The following CNTNAP2 variants were observed in gnomAD, a reference collection of about 807,000 sequenced individuals.
CNTNAP2 encodes the protein contactin-associated protein-like 2.
In CNTNAP2, 98 loss-of-function variants were observed where a neutral mutation model predicts 155.2. The ratio of observed to expected loss-of-function variants is 0.63; its 90% CI spans 0.54 to 0.75. The LOEUF (loss-of-function observed/expected upper bound fraction) is 0.75, where lower values mean the gene tolerates loss of function less well. Ranked by LOEUF, CNTNAP2 falls within the 30% of genes least tolerant of loss-of-function variation. The pLI is 0.00. For missense variants in CNTNAP2, 1,727 were observed against 1,688.1 expected (o/e 1.02, Z -0.40); for synonymous variants, 651 against 631.2 (o/e 1.03, Z -0.47).
chr7:146,711,226 T>TATATAC (rs1172549237), intron 1 of CNTNAP2, among the ~76,000 whole-genome samples: 2 of 147,546 alleles, frequency 1.4e-5, no homozygotes, highest in Non-Finnish European at 3.0e-5. Context: ...ATATATTTTA[T>TATATAC]ATATACATAT....
chr7:146,194,921 C>G (rs1235017724), intron 1 of CNTNAP2, among the ~76,000 whole-genome samples: 1 of 152,150 alleles, frequency 6.6e-6, no homozygotes, highest in Non-Finnish European at 1.5e-5. Context: ...GTCACTTCTC[C>G]AATCTGGGGT....
chr7:147,577,372 G>A (rs186316443), intron 12 of CNTNAP2, among the ~76,000 whole-genome samples: 1 of 152,108 alleles, frequency 6.6e-6, no homozygotes, highest in East Asian at 1.9e-4. Context: ...ATGACGCTAA[G>A]CACATTAATA....
chr7:146,153,641 A>G (rs997962869), intron 1 of CNTNAP2, among the ~76,000 whole-genome samples: 2 of 152,112 alleles, frequency 1.3e-5, no homozygotes, highest in African/African-American at 4.8e-5. Flanking sequence ...TAATGAAGGA[A>G]AGAAACTGCA....
At chr7:147,572,709 C>T (rs1353226616) in intron 12 of CNTNAP2, among the ~76,000 whole-genome samples, 1 of 46,592 alleles carries the variant, frequency 2.1e-5, no homozygotes, top group Non-Finnish European at 5.0e-5. Flanking sequence ...GAAACACACA[C>T]ACACACACAC....
At chr7:147,674,017 C>T (rs149396817) in intron 13 of CNTNAP2, among the ~76,000 whole-genome samples, 84 of 152,152 alleles carry the variant, frequency 5.5e-4, no homozygotes, top group African/African-American at 1.9e-3. Flanking sequence ...TCATTAAATG[C>T]ACTGGCTGTT....
intron 17 of CNTNAP2, among the ~76,000 whole-genome samples, chr7:148,151,576 A>G: frequency 6.6e-6 from 1 of 152,228 alleles, no homozygotes; most frequent in African/African-American, 2.4e-5. Context: ...GATTACAGGC[A>G]TGAGCCACTA....
At chr7:146,568,465 A>C (rs180914753) in intron 1 of CNTNAP2, among the ~76,000 whole-genome samples, 101 of 152,316 alleles carry the variant, frequency 6.6e-4, no homozygotes, top group African/African-American at 2.3e-3. Flanking sequence ...TAGGATTATC[A>C]ACCTCTTTCA....
chr7:148,183,889 C>G (rs1402608831), intron 18 of CNTNAP2, among the ~76,000 whole-genome samples: 1 of 152,160 alleles, frequency 6.6e-6, no homozygotes, highest in Non-Finnish European at 1.5e-5. Context: ...TTATATTCCA[C>G]CAGCCAAAAA....
At chr7:147,607,642 A>C (rs1295713339) in intron 12 of CNTNAP2, among the ~76,000 whole-genome samples, 1 of 152,148 alleles carries the variant, frequency 6.6e-6, no homozygotes, top group African/African-American at 2.4e-5. Flanking sequence ...ACTAGGGTCA[A>C]CATGAAAGGC....
In CNTNAP2 at chr7:148,415,399, T is replaced by G; in HGVS notation, c.3797-18T>G. 1 of 1,612,118 alleles carries G rather than the reference T, an allele frequency of 6.2e-7. No individual in the cohort carries two copies. Among genetic ancestry groups the G allele is most frequent in the Non-Finnish European group, 8.5e-7 (1 of 1,180,018 alleles). ...CCAAGCCCTGTCTAACCTCTCGTGCTTCTCCTTTCTCCGTCAGGCGTCATT... is the reference window on the plus strand; with the variant it reads ...CCAAGCCCTGTCTAACCTCTCGTGCGTCTCCTTTCTCCGTCAGGCGTCATT... On this transcript the variant is annotated intron_variant, in intron 23 of 23. Transcript: ENST00000361727.
chr7:146,317,482 G>T (rs966732631), intron 1 of CNTNAP2, among the ~76,000 whole-genome samples: 21 of 152,098 alleles, frequency 1.4e-4, no homozygotes, highest in African/African-American at 4.8e-4. Context: ...TCTTTCAGCA[G>T]TAGCAATTTA....
intron 1 of CNTNAP2, among the ~76,000 whole-genome samples, chr7:146,634,664 C>A (rs1179483103): frequency 6.6e-6 from 1 of 152,142 alleles, no homozygotes; most frequent in Non-Finnish European, 1.5e-5. Context: ...AAAATGCAAC[C>A]AGTCATGCAG....
intron 10 of CNTNAP2, among the ~76,000 whole-genome samples, chr7:147,451,943 G>A (rs1020190482): frequency 1.3e-5 from 2 of 152,194 alleles, no homozygotes; most frequent in African/African-American, 4.8e-5. Flanking sequence ...CCATCTGCAA[G>A]GGGAAGAGGC....
rs1243555423 is a variant in CNTNAP2 at position 146,405,842 on chromosome 7, CA to C, written c.97+288870del. Among the ~76,000 whole-genome samples, 30 of 152,264 alleles carry C rather than the reference CA, an allele frequency of 2.0e-4. No individual in the cohort carries two copies. In the East Asian group the frequency reaches 5.6e-3, roughly 28 times the overall value. On this transcript the variant is annotated intron_variant, in intron 1 of 23. Transcript: ENST00000361727. ...AAAAAAAAGTTTAACCTTTTTAGGA[CA>C]GAATGGGGCCAGTACAATCAGACTT...
chr7:147,007,117 G>C (rs1034117115), intron 3 of CNTNAP2, among the ~76,000 whole-genome samples: 1 of 152,060 alleles, frequency 6.6e-6, no homozygotes, highest in Non-Finnish European at 1.5e-5. Context: ...CCCCACTCAT[G>C]GGTGTGTTTT....
At chr7:147,501,776 C>A (rs1798818036) in intron 11 of CNTNAP2, among the ~76,000 whole-genome samples, 1 of 152,146 alleles carries the variant, frequency 6.6e-6, no homozygotes, top group African/African-American at 2.4e-5. Flanking sequence ...ATCAGTTTAT[C>A]AGTATGTGAC....
intron 19 of CNTNAP2, among the ~76,000 whole-genome samples, chr7:148,229,107 G>A (rs1332159958): frequency 6.6e-6 from 1 of 152,156 alleles, no homozygotes; most frequent in Non-Finnish European, 1.5e-5. Flanking sequence ...TTCACTGTGG[G>A]CAGATTGTAA....
intron 1 of CNTNAP2, among the ~76,000 whole-genome samples, chr7:146,766,558 C>A (rs1802198129): frequency 6.6e-6 from 1 of 152,138 alleles, no homozygotes; most frequent in Non-Finnish European, 1.5e-5. Flanking sequence ...GCCTTAGAAT[C>A]AGGTACAATT....
intron 21 of CNTNAP2, among the ~76,000 whole-genome samples, chr7:148,331,581 A>ATGGACGGATGGAG (rs1491438526): frequency 5.2e-4 from 3 of 5,754 alleles, no homozygotes; most frequent in African/African-American, 9.2e-4. Flanking sequence ...GATGGATGGA[A>ATGGACGGATGGAG]TGGATGGATG....
Sources: gnomAD v4.1 joint callset for allele counts (sites outside exome capture counted in the v4.1 genomes callset) on GRCh38, gnomAD v4.1.1 for gene constraint, MANE v1.5 for transcripts, NCBI Gene and HGNC (gene_info 2026-07-23, HGNC 2026-07-21) for gene names.